SREK1: variants seen among roughly 807,000 people sequenced by gnomAD.
SREK1 encodes splicing regulatory glutamine/lysine-rich protein 1.
SREK1 carries 13 observed loss-of-function variants against 66.5 expected under a neutral mutation model. That is an observed-to-expected ratio of 0.20 (90% CI 0.13 to 0.31). The LOEUF (loss-of-function observed/expected upper bound fraction) is 0.31. Among genes scored for constraint, SREK1 ranks in the 10% least tolerant of loss-of-function variants. The pLI is 1.00. For synonymous variants in SREK1, 265 were observed against 263.5 expected (o/e 1.01, Z -0.05); for missense variants, 607 against 769.6 (o/e 0.79, Z 2.50).
rs1481499189 is a variant in SREK1 at position 66,178,832 on chromosome 5, T to C, written c.1839T>C (p.Asn613=). 1.2e-6 allele frequency: 2 copies of C among 1,612,492 alleles called. No individual in the cohort carries two copies. The highest frequency in any genetic ancestry group is 8.5e-7 in the Non-Finnish European group (1 of 1,178,878). ...KIQHNGNCQL[N]EENLSTKTEA... The stretch of plus-strand genomic sequence containing the variant: ...AGCACAATGGGAATTGTCAGCTGAA[T>C]GAAGAAAACCTCTCTACCAAAACAG... Residue 613 remains asparagine (N), a synonymous_variant, in exon 12 of 12, where the codon AAT becomes AAC. Transcript: ENST00000334121.
At chr5:66,177,316 T>C (rs1395030838) in intron 10 of SREK1, 198 bp from the exon 11 acceptor site, 1 of 437,140 alleles carries the variant, frequency 2.3e-6, no homozygotes, top group Non-Finnish European at 4.0e-6. Flanking sequence ...TGTGTATCCT[T>C]AAGAAACTAA....
intron 2 of SREK1, chr5:66,157,490 G>GT: frequency 1.0e-6 from 1 of 985,150 alleles, no homozygotes. Flanking sequence ...GAATGTTCAG[G>GT]TTTTACAAAC....
At chr5:66,166,841 C>T (rs1461355203) in intron 7 of SREK1, 1 of 151,862 alleles carries the variant, frequency 6.6e-6, no homozygotes, top group Non-Finnish European at 1.5e-5. Context: ...AACATGTAGC[C>T]TTAAGTTCAA....
At chr5:66,173,750 G>A (rs75842220) in intron 9 of SREK1, among the ~76,000 whole-genome samples, 2 of 152,180 alleles carry the variant, frequency 1.3e-5, no homozygotes, top group African/African-American at 4.8e-5. Flanking sequence ...TCTGGAATAC[G>A]CTGACATTCA....
intron 6 of SREK1, 107 bp from the exon 7 acceptor site, chr5:66,164,676 G>C (rs752337465): frequency 6.2e-7 from 1 of 1,601,870 alleles, no homozygotes; most frequent in South Asian, 1.1e-5. Context: ...GATGTACAGA[G>C]AGTAGGCCCC....
chr5:66,156,066 T>A, intron 2 of SREK1: 3 of 1,532,176 alleles, frequency 2.0e-6, no homozygotes, highest in Non-Finnish European at 2.6e-6. Context: ...CATTATTAGA[T>A]GACTAGACTG....
chr5:66,158,820 A>G (rs1485571085), intron 2 of SREK1: 2 of 1,290,364 alleles, frequency 1.5e-6, no homozygotes, highest in South Asian at 1.2e-5. Context: ...GATGCAGCCA[A>G]CACGAACGGT....
chr5:66,146,214 C>T (rs1373965959), intron 1 of SREK1, among the ~76,000 whole-genome samples: 1 of 152,068 alleles, frequency 6.6e-6, no homozygotes, highest in Non-Finnish European at 1.5e-5. Flanking sequence ...GTGCCGTATC[C>T]TGCAGGCATT....
At chr5:66,162,366 A>AT (rs771225768) in intron 4 of SREK1, 48 bp from the exon 5 acceptor site, 21 of 1,605,422 alleles carry the variant, frequency 1.3e-5, no homozygotes, top group Middle Eastern at 3.3e-4. Context: ...TATTTATCTG[A>AT]TTTTTTAAAT....
intron 3 of SREK1, 30 bp from the exon 4 acceptor site, chr5:66,162,079 T>A: frequency 1.2e-6 from 2 of 1,603,350 alleles, no homozygotes; most frequent in Non-Finnish European, 1.7e-6. Context: ...AAAATATGTG[T>A]TCTGTGTGTT....
At chr5:66,170,415 A>T (rs1013774624) in intron 8 of SREK1, among the ~76,000 whole-genome samples, 170 bp from the exon 9 acceptor site, 1 of 152,168 alleles carries the variant, frequency 6.6e-6, no homozygotes, top group African/African-American at 2.4e-5. Flanking sequence ...CGTAGTATGA[A>T]TAGCTTTGTT....
intron 9 of SREK1, chr5:66,174,740 T>C (rs1745914923): frequency 2.4e-6 from 1 of 418,642 alleles, no homozygotes; most frequent in Admixed American, 4.0e-5. Context: ...AGATGATGTT[T>C]TCATCAGTCT....
intron 9 of SREK1, among the ~76,000 whole-genome samples, chr5:66,173,004 A>G (rs974249174): frequency 3.3e-5 from 5 of 150,742 alleles, no homozygotes; most frequent in Non-Finnish European, 7.4e-5. Context: ...TGATTTTTGT[A>G]TTTTATTTAA....
rs26994 is a variant in SREK1, at chr5:66,144,726, G to T, written c.161+189G>T. On this transcript the variant is annotated intron_variant, in intron 1 of 11. Coordinates refer to ENST00000334121, the MANE Select transcript of SREK1 (RefSeq NM_001077199.3). ...CTGCTCTCCTTAGTCGGATTTGGGGGGTTAACTACTGCACGGAGCCCTTAC... is the reference window on the plus strand; with the variant it reads ...CTGCTCTCCTTAGTCGGATTTGGGGTGTTAACTACTGCACGGAGCCCTTAC... 8.8e-3 allele frequency: 11,364 copies of T among 1,290,470 alleles called. 66 individuals carry two copies. The highest frequency in any genetic ancestry group is 9.8e-3 in the Non-Finnish European group (9,583 of 982,814). 79.9% of individuals were successfully genotyped at this position (1,290,470 alleles called of 1,614,324 possible). A position where few individuals can be genotyped will look rare whatever the true frequency, so the allele number is the denominator to read the frequency against.
intron 2 of SREK1, chr5:66,156,688 T>C (rs932089806): frequency 6.3e-5 from 62 of 985,084 alleles, no homozygotes; most frequent in Non-Finnish European, 7.0e-5. Flanking sequence ...TAAGTAAATA[T>C]AACAATCTGG....
At chr5:66,145,245 C>G (rs1302682156) in intron 1 of SREK1, 5 of 860,142 alleles carry the variant, frequency 5.8e-6, no homozygotes, top group East Asian at 1.2e-4. Flanking sequence ...GGCTGGCATT[C>G]ACAGCTCGCG....
intron 10 of SREK1, among the ~76,000 whole-genome samples, chr5:66,176,095 C>G (rs948161142): frequency 6.6e-6 from 1 of 152,038 alleles, no homozygotes; most frequent in Non-Finnish European, 1.5e-5. Context: ...TGGTTAGAGT[C>G]TTATTCTTGT....
At chr5:66,144,825 C>T (rs933727538) in intron 1 of SREK1, 7 of 1,122,298 alleles carry the variant, frequency 6.2e-6, no homozygotes, top group Non-Finnish European at 7.6e-6. Context: ...AATTCCGTGC[C>T]CCCACCCTCT....
intron 2 of SREK1, chr5:66,157,050 G>A (rs917155255): frequency 1.3e-5 from 13 of 983,856 alleles, no homozygotes; most frequent in Non-Finnish European, 1.6e-5. Flanking sequence ...TTAAGCAATG[G>A]AGCTTTTTCT....
Sources: allele counts gnomAD v4.1 joint callset (sites outside exome capture counted in the v4.1 genomes callset), GRCh38; gene constraint gnomAD v4.1.1; transcripts MANE v1.5; gene names NCBI Gene and HGNC (gene_info 2026-07-23, HGNC 2026-07-21).